The following ADAMTSL1 variants were observed in gnomAD, a reference collection of about 807,000 sequenced individuals.
ADAMTSL1 encodes ADAMTS like 1, also known as ADAMTS-like protein 1.
In ADAMTSL1, 126 loss-of-function variants were observed where a neutral mutation model predicts 201.8. The ratio of observed to expected loss-of-function variants is 0.62; its 90% CI spans 0.54 to 0.72. The LOEUF (loss-of-function observed/expected upper bound fraction) is 0.72, where lower values mean the gene tolerates loss of function less well. Among genes scored for constraint, ADAMTSL1 ranks in the 30% least tolerant of loss-of-function variants. The pLI, the probability that ADAMTSL1 is intolerant of heterozygous loss-of-function variation, is 0.00. For synonymous variants in ADAMTSL1, 1,121 were observed against 903.4 expected (o/e 1.24, Z -4.32); for missense variants, 2,679 against 2,277.8 (o/e 1.18, Z -3.59).
intron 2 of ADAMTSL1, among the ~76,000 whole-genome samples, chr9:18,386,943 G>A (rs967344884): frequency 1.3e-5 from 2 of 152,010 alleles, no homozygotes; most frequent in South Asian, 2.1e-4. Context: ...TGCTTTCATG[G>A]ACAAAAATCA....
intron 20 of ADAMTSL1, among the ~76,000 whole-genome samples, chr9:18,805,508 C>G (rs150152933): frequency 6.6e-6 from 1 of 152,352 alleles, no homozygotes; most frequent in East Asian, 1.9e-4. Context: ...TCCTGCTGTG[C>G]TAAGCCGTTG....
At chr9:18,228,433 G>T (rs1291998645) in intron 2 of ADAMTSL1, among the ~76,000 whole-genome samples, 1 of 152,016 alleles carries the variant, frequency 6.6e-6, no homozygotes, top group Non-Finnish European at 1.5e-5. Context: ...TATTCTTATT[G>T]GTTGATTGAC....
chr9:18,069,892 T>C (rs1156517062), intron 1 of ADAMTSL1, among the ~76,000 whole-genome samples: 1 of 152,146 alleles, frequency 6.6e-6, no homozygotes. Context: ...ATTTAGAACA[T>C]ATATTATGGG....
intron 2 of ADAMTSL1, among the ~76,000 whole-genome samples, chr9:18,280,388 C>T (rs1378107142): frequency 6.8e-6 from 1 of 148,072 alleles, no homozygotes; most frequent in Non-Finnish European, 1.5e-5. Context: ...AAATTTTAAT[C>T]AGCTTGTTTA....
At chr9:18,062,489 T>A (rs1245457219) in intron 1 of ADAMTSL1, among the ~76,000 whole-genome samples, 2 of 152,180 alleles carry the variant, frequency 1.3e-5, no homozygotes, top group Non-Finnish European at 2.9e-5. Context: ...ATCCTTTTAT[T>A]TGGCAAATAC....
intron 2 of ADAMTSL1, among the ~76,000 whole-genome samples, chr9:18,196,069 G>A (rs1425984761): frequency 1.3e-5 from 2 of 152,160 alleles, no homozygotes; most frequent in South Asian, 2.1e-4. Context: ...CCATTCCACG[G>A]GTGGACGTTT....
intron 2 of ADAMTSL1, among the ~76,000 whole-genome samples, chr9:18,532,165 T>C (rs1000161922): frequency 4.6e-5 from 7 of 152,184 alleles, no homozygotes; most frequent in Non-Finnish European, 8.8e-5. Flanking sequence ...TTTTTCATGA[T>C]TTAAGTGTCA....
intron 2 of ADAMTSL1, among the ~76,000 whole-genome samples, chr9:18,322,824 A>G (rs1291670014): frequency 6.6e-6 from 1 of 152,222 alleles, no homozygotes; most frequent in African/African-American, 2.4e-5. Context: ...AGCAACCTAG[A>G]TAAAATGCAT....
chr9:18,298,415 C>G (rs1833558950), intron 2 of ADAMTSL1, among the ~76,000 whole-genome samples: 2 of 152,140 alleles, frequency 1.3e-5, no homozygotes, highest in Admixed American at 6.5e-5. Context: ...GGAGGAGCTG[C>G]TTTGAATCCA....
intron 1 of ADAMTSL1, among the ~76,000 whole-genome samples, chr9:18,100,588 C>T (rs1185723563): frequency 6.6e-6 from 1 of 152,086 alleles, no homozygotes; most frequent in Non-Finnish European, 1.5e-5. Flanking sequence ...AGTCTATTCC[C>T]CTCCCCTATT....
At chr9:18,681,541 G>T in intron 11 of ADAMTSL1, 1 of 222,290 alleles carries the variant, frequency 4.5e-6, no homozygotes, top group Non-Finnish European at 8.9e-6. Flanking sequence ...TTGAGACTTT[G>T]CACACAGTGG....
At chr9:18,382,213 G>A (rs1037966183) in intron 2 of ADAMTSL1, among the ~76,000 whole-genome samples, 1 of 152,232 alleles carries the variant, frequency 6.6e-6, no homozygotes, top group African/African-American at 2.4e-5. Context: ...TTCTAGGCTG[G>A]CAAATACAAA....
chr9:18,662,849 G>A (rs1025172426), intron 9 of ADAMTSL1, among the ~76,000 whole-genome samples: 2 of 152,104 alleles, frequency 1.3e-5, no homozygotes, highest in Non-Finnish European at 2.9e-5. Context: ...ATACTTGCTG[G>A]TGATTCTCTT....
intron 23 of ADAMTSL1, among the ~76,000 whole-genome samples, chr9:18,856,321 T>C (rs1447154588): frequency 6.6e-6 from 1 of 152,220 alleles, no homozygotes; most frequent in Middle Eastern, 3.2e-3. Context: ...TGATGGTTTT[T>C]GGTTCATTCA....
chr9:18,132,898 C>A (rs1484406698), intron 1 of ADAMTSL1, among the ~76,000 whole-genome samples: 1 of 152,130 alleles, frequency 6.6e-6, no homozygotes, highest in African/African-American at 2.4e-5. Context: ...TGAGATTCAT[C>A]TTGTTCAAGA....
intron 1 of ADAMTSL1, among the ~76,000 whole-genome samples, chr9:18,163,035 G>A (rs1403564069): frequency 6.6e-6 from 1 of 152,040 alleles, no homozygotes; most frequent in African/African-American, 2.4e-5. Context: ...AGAGAGGCAG[G>A]AGGAGGCCTG....
intron 1 of ADAMTSL1, among the ~76,000 whole-genome samples, chr9:18,153,683 A>G (rs1827021128): frequency 2.6e-5 from 4 of 152,060 alleles, no homozygotes; most frequent in African/African-American, 7.2e-5. Flanking sequence ...TGTAAAATGC[A>G]GAATGAGGAA....
At chr9:18,482,377 G>A (rs1044185298) in intron 1 of ADAMTSL1, among the ~76,000 whole-genome samples, 1 of 152,166 alleles carries the variant, frequency 6.6e-6, no homozygotes, top group Non-Finnish European at 1.5e-5. Context: ...TTTTCACGGA[G>A]TTTCCATTTT....
At chr9:18,398,396 T>C (rs1183375004) in intron 2 of ADAMTSL1, among the ~76,000 whole-genome samples, 1 of 152,172 alleles carries the variant, frequency 6.6e-6, no homozygotes, top group Non-Finnish European at 1.5e-5. Flanking sequence ...CAAATTTTCT[T>C]CTACTTTAGT....
Sources: allele counts gnomAD v4.1 joint callset (sites outside exome capture counted in the v4.1 genomes callset), GRCh38; gene constraint gnomAD v4.1.1; transcripts MANE v1.5; gene names NCBI Gene and HGNC (gene_info 2026-07-23, HGNC 2026-07-21).